The following ZNF696 variants were observed in gnomAD, a reference collection of about 807,000 sequenced individuals.
ZNF696 encodes zinc finger protein 696.
In ZNF696, 10 loss-of-function variants were observed where a neutral mutation model predicts 12.3. The observed-to-expected ratio is 0.81, with a 90% CI of 0.50 to 1.38. The LOEUF is 1.38. ZNF696 is among the 40% of genes most tolerant of loss of function. ZNF696 has a pLI of 0.00. For missense variants in ZNF696, 675 were observed against 554.7 expected (o/e 1.22, Z -2.18); for synonymous variants, 304 against 243.9 (o/e 1.25, Z -2.29).
chr8:143,296,907 C>T lies in ZNF696; in HGVS notation c.*107C>T, dbSNP rs955130860. On this transcript the variant is annotated 3_prime_UTR_variant, in exon 3 of 3. Coordinates refer to ENST00000330143, the MANE Select transcript of ZNF696 (RefSeq NM_030895.3). Reference sequence around the variant, plus strand: ...GCGGTGAGGAAGTAACAGCCGGCTGCGCGCCTGGTTCTCGGGTTGCGAAAG... The same window carrying T: ...GCGGTGAGGAAGTAACAGCCGGCTGTGCGCCTGGTTCTCGGGTTGCGAAAG... 34 of 1,106,774 alleles carry T rather than the reference C, an allele frequency of 3.1e-5. No individual in the cohort carries two copies. The highest frequency in any genetic ancestry group is 3.8e-5 in the Non-Finnish European group (32 of 841,994). 68.6% of individuals were successfully genotyped at this position (1,106,774 alleles called of 1,614,324 possible).
rs1034765279 is a variant in ZNF696 at position 143,296,221 on chromosome 8, G to A, written c.546G>A (p.Ala182=). 6.3e-7 allele frequency: 1 copy of A among 1,594,182 alleles called. No individual in the cohort carries two copies. Residue 182 remains alanine, a synonymous_variant, in exon 3 of 3, where the codon GCG becomes GCA. Transcript: ENST00000330143. ...CGCACAGCGGGGAGAGGCCCTACGC[G>A]TGCGCCGAGTGCGGCAAGGCCTTCG... ...QRAHSGERPY[A]CAECGKAFGQ...
rs566663760 is a variant in ZNF696 at position 143,298,462 on chromosome 8, G to A, written c.*1662G>A. The stretch of plus-strand genomic sequence containing the variant: ...GCCAAGATCCTCAGGTACCAGTAGC[G>A]GTCAAAGCACCTGCTCCCTGAAGGA... On this transcript the variant is annotated 3_prime_UTR_variant, in exon 3 of 3. Coordinates refer to ENST00000330143, the MANE Select transcript of ZNF696 (RefSeq NM_030895.3). 3.9e-5 allele frequency among the ~76,000 whole-genome samples: 6 copies of A among 152,186 alleles called. No individual in the cohort carries two copies. Among genetic ancestry groups the A allele is most frequent in the South Asian group, 2.1e-4 (1 of 4,822 alleles).
chr8:143,296,877 C>T lies in ZNF696; in HGVS notation c.*77C>T, dbSNP rs1256345876. 3.9e-6 allele frequency: 5 copies of T among 1,276,712 alleles called. No homozygotes were observed. The highest frequency in any genetic ancestry group is 3.2e-5 in the East Asian group (1 of 31,424). The allele number at this position is 1,276,712 out of a possible 1,614,324, so 79.1% of individuals were successfully genotyped here. A position where few individuals can be genotyped will look rare whatever the true frequency, so the allele number is the denominator to read the frequency against. ...GGCCGGGGGAGGCTCCTGTCCGCCC[C>T]GTGCGCGGTGAGGAAGTAACAGCCG... On this transcript the variant is annotated 3_prime_UTR_variant, in exon 3 of 3. Coordinates refer to ENST00000330143, the MANE Select transcript of ZNF696 (RefSeq NM_030895.3).
chr8:143,296,372 G>C lies in ZNF696; in HGVS notation c.697G>C (p.Gly233Arg). Reference sequence around the variant, plus strand: ...CGCCAAGCACCGCCGCACCCACACCGGGGAGAGGCTGTACGCGTGCGGCGA... The same window carrying C: ...CGCCAAGCACCGCCGCACCCACACCCGGGAGAGGCTGTACGCGTGCGGCGA... ...DAAKHRRTHT[G>R]ERLYACGECG... Residue 233 changes from glycine (G) to arginine (R), a missense_variant, in exon 3 of 3, where the codon GGG becomes CGG. Transcript: ENST00000330143. 1 of 1,594,506 alleles carries C rather than the reference G, an allele frequency of 6.3e-7. No individual in the cohort carries two copies.
chr8:143,296,583 G>T lies in ZNF696; in HGVS notation c.908G>T (p.Ser303Ile), dbSNP rs760480124. ...FACQDCGRAF[S>I]RSSFLREHRR... The stretch of plus-strand genomic sequence containing the variant: ...TGCCAGGACTGCGGCCGCGCCTTCA[G>T]CCGCAGCTCCTTCCTCCGCGAGCAC... The change falls in exon 3 of 3, where the codon AGC (serine) becomes ATC (isoleucine). Residue 303 changes from serine to isoleucine, a missense_variant. Coordinates refer to ENST00000330143, the MANE Select transcript of ZNF696 (RefSeq NM_030895.3). 2.5e-6 allele frequency: 4 copies of T among 1,592,922 alleles called. No individual in the cohort carries two copies. In the East Asian group the frequency reaches 6.8e-5, roughly 27 times the overall value.
Position 143,296,523 on chromosome 8 carries a change from A to G in ZNF696, c.848A>G (p.His283Arg). 1 of 1,606,672 alleles carries G rather than the reference A, an allele frequency of 6.2e-7. No individual in the cohort carries two copies. The highest frequency in any genetic ancestry group is 8.5e-7 in the Non-Finnish European group (1 of 1,179,078). Residue 283 changes from histidine (H) to arginine (R), a missense_variant, in exon 3 of 3, where the codon CAC (histidine) becomes CGC (arginine). By Grantham distance (29) the His-to-Arg change is conservative. Coordinates refer to ENST00000330143, the MANE Select transcript of ZNF696 (RefSeq NM_030895.3). ...AFSQSSNLLQ[H>R]QRVHTGERPF... Reference sequence around the variant, plus strand: ...AGCCAGAGCTCCAACCTCCTCCAGCACCAGCGCGTGCACACGGGGGAGCGG... The same window carrying G: ...AGCCAGAGCTCCAACCTCCTCCAGCGCCAGCGCGTGCACACGGGGGAGCGG...
rs1392940570 is a variant in ZNF696, at chr8:143,299,235, T to G, written c.*2435T>G. ...AAGATGGAATGGCAAGCAAATAAAA[T>G]TATAAATATGAATACATATGTATAT... On this transcript the variant is annotated 3_prime_UTR_variant, in exon 3 of 3. Transcript: ENST00000330143. Among the ~76,000 whole-genome samples, 2 of 152,050 alleles carry G rather than the reference T, an allele frequency of 1.3e-5. No individual in the cohort carries two copies. The highest frequency in any genetic ancestry group is 2.9e-5 in the Non-Finnish European group (2 of 68,012).
chr8:143,296,900 C>T lies in ZNF696; in HGVS notation c.*100C>T. On this transcript the variant is annotated 3_prime_UTR_variant, in exon 3 of 3. Transcript: ENST00000330143. ...CCCGTGCGCGGTGAGGAAGTAACAG[C>T]CGGCTGCGCGCCTGGTTCTCGGGTT... 1 of 1,138,386 alleles carries T rather than the reference C, an allele frequency of 8.8e-7. No homozygotes were observed. 70.5% of individuals were successfully genotyped at this position (1,138,386 alleles called of 1,614,324 possible).
chr8:143,298,569 GCTGA>G lies in ZNF696; in HGVS notation c.*1774_*1777del. 6.6e-6 allele frequency among the ~76,000 whole-genome samples: 1 copy of G among 152,048 alleles called. No homozygotes were observed. The highest frequency in any genetic ancestry group is 1.5e-5 in the Non-Finnish European group (1 of 67,948). ...ATCCCCAAGCACACAAGGAGAGTCA[GCTGA>G]CTGAGGGCCAACAGAAACAGCAGGC... On this transcript the variant is annotated 3_prime_UTR_variant, in exon 3 of 3. Coordinates refer to ENST00000330143, the MANE Select transcript of ZNF696 (RefSeq NM_030895.3).
intron 2 of ZNF696, chr8:143,295,513 T>C (rs764412137): frequency 1.4e-6 from 1 of 695,246 alleles, no homozygotes; most frequent in South Asian, 1.5e-5. Context: ...GTTTCTGGAG[T>C]GGCAGTGCAG....
In ZNF696 at chr8:143,292,974, A is replaced by G; in HGVS notation, c.-28A>G. The G allele has an allele frequency of 1.2e-6, 2 of 1,612,928 alleles. No homozygotes were observed. Among genetic ancestry groups the G allele is most frequent in the Non-Finnish European group, 1.7e-6 (2 of 1,179,610 alleles). ...TTCCTTTTCTTTTACCTAAGCAGAA[A>G]TTGTTCCAACTGCTGGTGTTCTGCA... On this transcript the variant is annotated splice_region_variant and 5_prime_UTR_variant, in exon 2 of 3. Transcript: ENST00000330143.
At chr8:143,292,016 G>A (rs2129728117) in intron 1 of ZNF696, 1 of 159,930 alleles carries the variant, frequency 6.3e-6, no homozygotes, top group Admixed American at 6.5e-5. Flanking sequence ...GGAGTGCAGT[G>A]GCGAAATCTC....
intron 2 of ZNF696, among the ~76,000 whole-genome samples, chr8:143,294,685 CTGAG>C (rs1247900270): frequency 2.6e-5 from 4 of 151,486 alleles, no homozygotes; most frequent in Admixed American, 1.3e-4. Context: ...GGATTTCTGT[CTGAG>C]TGAGGACGCT....
rs569889387 is a variant in ZNF696 at position 143,298,214 on chromosome 8, C to G, written c.*1414C>G. On this transcript the variant is annotated 3_prime_UTR_variant, in exon 3 of 3. Transcript: ENST00000330143. ...CTGCAGTTCTCTGCCCAGGTAAGGA[C>G]TAATTGGGAAGAATTCTGGGTCCTG... Among the ~76,000 whole-genome samples, 85 of 152,282 alleles carry G rather than the reference C, an allele frequency of 5.6e-4. No homozygotes were observed. The highest frequency in any genetic ancestry group is 1.2e-3 in the Admixed American group (19 of 15,304).
rs7015233 is a variant in ZNF696 at position 143,299,341 on chromosome 8, G to A, written c.*2541G>A. Among the ~76,000 whole-genome samples the A allele has an allele frequency of 0.34, 51,474 of 152,040 alleles. 9,970 individuals carry two copies. Among genetic ancestry groups the A allele is most frequent in the African/African-American group, 0.53 (21,907 of 41,436 alleles). ...GGACAGAAATGTTCTAAGACCCTCC[G>A]GTTGTTGGGAAGAGGGTGTAAGATA... is the stretch of plus-strand genomic sequence containing the variant. On this transcript the variant is annotated 3_prime_UTR_variant, in exon 3 of 3. Coordinates refer to ENST00000330143, the MANE Select transcript of ZNF696 (RefSeq NM_030895.3).
rs1345012059 is a variant in ZNF696 at position 143,299,150 on chromosome 8, A to T, written c.*2350A>T. ...CTCCAGCCTGGGCAAAAAGAGCAAAACTCCATCTTAAAAAAATAAATAAAT... is the reference window on the plus strand; with the variant it reads ...CTCCAGCCTGGGCAAAAAGAGCAAATCTCCATCTTAAAAAAATAAATAAAT... On this transcript the variant is annotated 3_prime_UTR_variant, in exon 3 of 3. Transcript: ENST00000330143. Among the ~76,000 whole-genome samples, 1 of 152,028 alleles carries T rather than the reference A, an allele frequency of 6.6e-6. No homozygotes were observed. The highest frequency in any genetic ancestry group is 1.5e-5 in the Non-Finnish European group (1 of 67,994).
intron 2 of ZNF696, 87 bp from the exon 3 acceptor site, chr8:143,295,653 C>A: frequency 7.3e-7 from 1 of 1,361,562 alleles, no homozygotes; most frequent in Non-Finnish European, 9.8e-7. Flanking sequence ...CCATCACTGT[C>A]ACTCTGTCGT....
intron 2 of ZNF696, among the ~76,000 whole-genome samples, chr8:143,294,464 T>A (rs893245334): frequency 1.3e-5 from 2 of 151,682 alleles, no homozygotes; most frequent in African/African-American, 4.8e-5. Context: ...CACTGCAATC[T>A]CCACCTCCTG....
At position 143,299,423 on chromosome 8, in the gene ZNF696, C is replaced by T. The variant is rs531354684; in HGVS notation, c.*2623C>T. 6.6e-4 allele frequency among the ~76,000 whole-genome samples: 101 copies of T among 152,262 alleles called. No homozygotes were observed. The highest frequency in any genetic ancestry group is 3.4e-3 in the Middle Eastern group (1 of 294). On this transcript the variant is annotated 3_prime_UTR_variant, in exon 3 of 3. Coordinates refer to ENST00000330143, the MANE Select transcript of ZNF696 (RefSeq NM_030895.3). ...GCATAGTGTAATTTAATGTTAATTA[C>T]TAAAAGAGTGTAACCAGTCTATACA...
Sources: allele counts gnomAD v4.1 joint callset (sites outside exome capture counted in the v4.1 genomes callset), GRCh38; gene constraint gnomAD v4.1.1; transcripts MANE v1.5; gene names NCBI Gene and HGNC (gene_info 2026-07-23, HGNC 2026-07-21).